MARCHF1: variants seen among roughly 807,000 people sequenced by gnomAD.
MARCHF1 encodes the protein E3 ubiquitin-protein ligase MARCHF1.
Under a neutral mutation model 54.2 loss-of-function variants are expected in MARCHF1, and 40 were observed. The observed-to-expected ratio is 0.74, with a 90% CI of 0.57 to 0.96. The LOEUF is 0.96. Ranked by LOEUF, MARCHF1 falls within the 40% of genes least tolerant of loss-of-function variation. The pLI is 0.00. For missense variants in MARCHF1, 586 were observed against 656.5 expected, an observed-to-expected ratio of 0.89 and a Z score of 1.17; for synonymous variants, 236 against 236.3, an observed-to-expected ratio of 1.00 and a Z score of 0.01.
intron 2 of MARCHF1, among the ~76,000 whole-genome samples, chr4:164,005,134 A>G (rs1753261193): frequency 6.6e-6 from 1 of 152,092 alleles, no homozygotes; most frequent in Non-Finnish European, 1.5e-5. Context: ...ACATTACTAT[A>G]TATTTAACAA....
At chr4:163,672,676 C>T (rs72991593) in intron 5 of MARCHF1, among the ~76,000 whole-genome samples, 3,967 of 152,122 alleles carry the variant, frequency 0.026, 184 homozygotes, top group African/African-American at 0.09. Context: ...TTACTGCTTT[C>T]ACAAATTACC....
At chr4:164,316,157 C>T (rs1431791039) in intron 1 of MARCHF1, among the ~76,000 whole-genome samples, 1 of 152,076 alleles carries the variant, frequency 6.6e-6, no homozygotes, top group Non-Finnish European at 1.5e-5. Flanking sequence ...TATTATTACT[C>T]AAGGTTATTC....
intron 2 of MARCHF1, among the ~76,000 whole-genome samples, chr4:164,110,977 T>G (rs1755822507): frequency 1.3e-5 from 2 of 151,818 alleles, no homozygotes; most frequent in Admixed American, 1.3e-4. Context: ...GTTCTTGATT[T>G]TCTACACAAT....
intron 4 of MARCHF1, among the ~76,000 whole-genome samples, chr4:163,762,099 G>A (rs1746842241): frequency 6.6e-6 from 1 of 152,144 alleles, no homozygotes; most frequent in Non-Finnish European, 1.5e-5. Flanking sequence ...GTAGAATATT[G>A]AAGTGACTCT....
intron 1 of MARCHF1, among the ~76,000 whole-genome samples, chr4:164,198,570 AAC>A (rs1265609784): frequency 2.0e-5 from 3 of 152,216 alleles, no homozygotes; most frequent in African/African-American, 7.2e-5. Flanking sequence ...ATTTCCCTAA[AAC>A]AATCTTTTCA....
At chr4:164,292,368 A>G (rs1358430021) in intron 1 of MARCHF1, among the ~76,000 whole-genome samples, 1 of 152,194 alleles carries the variant, frequency 6.6e-6, no homozygotes, top group African/African-American at 2.4e-5. Flanking sequence ...CCAGGCCACC[A>G]AGCAAATTGG....
chr4:163,629,044 A>C (rs934517563), intron 5 of MARCHF1, among the ~76,000 whole-genome samples: 1 of 152,232 alleles, frequency 6.6e-6, no homozygotes, highest in East Asian at 1.9e-4. Flanking sequence ...GAATTAGAAA[A>C]AAACTACTTT....
chr4:164,092,194 C>A (rs1422070064), intron 2 of MARCHF1, among the ~76,000 whole-genome samples: 1 of 152,070 alleles, frequency 6.6e-6, no homozygotes, highest in Non-Finnish European at 1.5e-5. Flanking sequence ...GGGCACCAGG[C>A]TGTTTACCTT....
intron 3 of MARCHF1, among the ~76,000 whole-genome samples, chr4:163,863,886 T>C (rs1749994706): frequency 6.6e-6 from 1 of 151,914 alleles, no homozygotes; most frequent in African/African-American, 2.4e-5. Context: ...TTGGGGCATA[T>C]ATTAAAGAGA....
chr4:164,012,131 G>A (rs536874617), intron 2 of MARCHF1, among the ~76,000 whole-genome samples: 7 of 152,306 alleles, frequency 4.6e-5, no homozygotes, highest in Admixed American at 2.0e-4. Context: ...ATAAATTTAA[G>A]TGGCAGTCAG....
intron 4 of MARCHF1, among the ~76,000 whole-genome samples, chr4:163,702,913 A>G (rs1325238505): frequency 6.6e-6 from 1 of 152,042 alleles, no homozygotes; most frequent in Non-Finnish European, 1.5e-5. Context: ...AGAAAAGTTA[A>G]CACGTGGTAG....
intron 3 of MARCHF1, among the ~76,000 whole-genome samples, chr4:163,885,973 A>C (rs6856353): frequency 0.39 from 57,990 of 146,818 alleles, 12,430 homozygotes; most frequent in Middle Eastern, 0.53. Flanking sequence ...CTATCTCTCT[A>C]TATATAAAGA....
intron 1 of MARCHF1, among the ~76,000 whole-genome samples, chr4:164,339,718 A>G (rs1371770218): frequency 6.6e-6 from 1 of 152,160 alleles, no homozygotes; most frequent in African/African-American, 2.4e-5. Context: ...GAAATAGCAC[A>G]GATCAGAAGA....
At chr4:164,285,210 A>C (rs1734113126) in intron 1 of MARCHF1, among the ~76,000 whole-genome samples, 1 of 152,060 alleles carries the variant, frequency 6.6e-6, no homozygotes, top group Non-Finnish European at 1.5e-5. Flanking sequence ...AACCAAAGAG[A>C]CTAAAAATTA....
At chr4:163,679,769 C>G (rs886205306) in intron 5 of MARCHF1, among the ~76,000 whole-genome samples, 2 of 151,898 alleles carry the variant, frequency 1.3e-5, no homozygotes, top group Admixed American at 6.6e-5. Context: ...CCCACCACCA[C>G]GCCCGGCTAA....
At chr4:164,306,303 C>A (rs1430441931) in intron 1 of MARCHF1, among the ~76,000 whole-genome samples, 1 of 152,014 alleles carries the variant, frequency 6.6e-6, no homozygotes, top group Non-Finnish European at 1.5e-5. Flanking sequence ...AAATTCTTTA[C>A]CTTTTATTAG....
At chr4:163,669,478 G>T (rs1285695973) in intron 5 of MARCHF1, among the ~76,000 whole-genome samples, 3 of 152,090 alleles carry the variant, frequency 2.0e-5, no homozygotes, top group Non-Finnish European at 2.9e-5. Context: ...TGAAAGCAGG[G>T]TGTATTTTCC....
Position 163,896,513 on chromosome 4 carries a change from C to T in MARCHF1, c.-38-42344G>A. Among the ~76,000 whole-genome samples, 2 of 152,134 alleles carry T rather than the reference C, an allele frequency of 1.3e-5. 1 individual carries two copies. Among genetic ancestry groups the T allele is most frequent in the Non-Finnish European group, 2.9e-5 (2 of 68,024 alleles). The stretch of plus-strand genomic sequence containing the variant: ...CTCCCTTCTTGAAATTCCTTTCTTT[C>T]ATAGTCTTTTTCTTGGTTTTTCTCC... On this transcript the variant is annotated intron_variant, in intron 3 of 9. Transcript: ENST00000514618.
intron 8 of MARCHF1, 83 bp downstream of exon 8, chr4:163,585,666 C>T (rs1244296041): frequency 2.4e-5 from 27 of 1,119,788 alleles, no homozygotes; most frequent in Middle Eastern, 2.1e-4. Flanking sequence ...TTAGGAGAAT[C>T]GTATTGGCAA....
Sources: gnomAD v4.1 joint callset for allele counts (sites outside exome capture counted in the v4.1 genomes callset) on GRCh38, gnomAD v4.1.1 for gene constraint, MANE v1.5 for transcripts, NCBI Gene and HGNC (gene_info 2026-07-23, HGNC 2026-07-21) for gene names.